PALS1: variants seen among roughly 807,000 people sequenced by gnomAD.
PALS1 encodes protein PALS1.
In PALS1, 31 loss-of-function variants were observed where a neutral mutation model predicts 78.9. The ratio of observed to expected loss-of-function variants is 0.39; its 90% CI spans 0.30 to 0.53. The LOEUF is 0.53. PALS1 is among the 20% of genes least tolerant of loss of function. PALS1 has a pLI of 0.67. For synonymous variants in PALS1, 276 were observed against 270.9 expected (o/e 1.02, Z -0.18); for missense variants, 704 against 826.5 (o/e 0.85, Z 1.82).
chr14:67,248,204 TA>T (rs1237181423), intron 1 of PALS1, among the ~76,000 whole-genome samples: 1 of 152,196 alleles, frequency 6.6e-6, no homozygotes, highest in Non-Finnish European at 1.5e-5. Flanking sequence ...TTTGGATTTT[TA>T]AAAACTAATA....
At position 67,313,267 on chromosome 14, in the gene PALS1, A is replaced by G. The variant is rs542330333; in HGVS notation, c.1225+557A>G. On this transcript the variant is annotated intron_variant, in intron 9 of 14. Transcript: ENST00000261681. ...TCTGAGAGTTAAGATGATACAAAAT[A>G]GAACAAAGTACAGTCATGCATCACT... Among the ~76,000 whole-genome samples the G allele has an allele frequency of 8.5e-5, 13 of 152,364 alleles. No homozygotes were observed. The South Asian group carries it at 2.7e-3, about 32-fold the overall frequency.
At chr14:67,290,444 C>T (rs1049377153) in intron 3 of PALS1, among the ~76,000 whole-genome samples, 1 of 152,166 alleles carries the variant, frequency 6.6e-6, no homozygotes, top group African/African-American at 2.4e-5. Flanking sequence ...ACTCAGTTGC[C>T]CAGGCTAGAG....
chr14:67,306,180 T>G (rs779994642), intron 8 of PALS1, among the ~76,000 whole-genome samples: 6 of 152,098 alleles, frequency 3.9e-5, no homozygotes, highest in East Asian at 1.9e-4. Context: ...ATGTTGGCCA[T>G]GCTGGTCTCG....
chr14:67,303,837 G>C (rs2084963002), intron 8 of PALS1, among the ~76,000 whole-genome samples: 1 of 151,368 alleles, frequency 6.6e-6, no homozygotes, highest in Admixed American at 6.6e-5. Context: ...GTGTGATCTT[G>C]GCTCACTGCA....
chr14:67,272,595 C>G (rs1358465471), intron 2 of PALS1, among the ~76,000 whole-genome samples: 4 of 152,150 alleles, frequency 2.6e-5, no homozygotes, highest in Non-Finnish European at 5.9e-5. Flanking sequence ...TTACCTCTTT[C>G]TCTTATTCAC....
At chr14:67,277,431 G>A (rs770926226) in intron 2 of PALS1, among the ~76,000 whole-genome samples, 1 of 152,272 alleles carries the variant, frequency 6.6e-6, no homozygotes, top group African/African-American at 2.4e-5. Flanking sequence ...GTCCCTGTTT[G>A]CATTATGACC....
intron 9 of PALS1, among the ~76,000 whole-genome samples, chr14:67,316,203 AAAGAAAAC>A (rs1338831548): frequency 6.6e-6 from 1 of 152,206 alleles, no homozygotes; most frequent in Non-Finnish European, 1.5e-5. Context: ...AGAAGTCGGA[AAAGAAAAC>A]CTCTTTCAAG....
At position 67,255,489 on chromosome 14, in the gene PALS1, AT is replaced by A. The variant is rs529156716; in HGVS notation, c.-237+13959del. ...TAAAATTAAAAATGTAATATATATG[AT>A]TTATTTGTGTGGTTGAGGAATTCCT... On this transcript the variant is annotated intron_variant, in intron 1 of 14. Transcript: ENST00000261681. 4.6e-5 allele frequency among the ~76,000 whole-genome samples: 7 copies of A among 152,104 alleles called. No homozygotes were observed. In the South Asian group the frequency reaches 1.2e-3, roughly 27 times the overall value.
At chr14:67,283,945 A>G (rs996265024) in intron 3 of PALS1, among the ~76,000 whole-genome samples, 9 of 152,182 alleles carry the variant, frequency 5.9e-5, no homozygotes, top group Non-Finnish European at 1.3e-4. Flanking sequence ...GTAGCTGCAT[A>G]TTGGAAAGTA....
At chr14:67,247,137 A>G (rs754333922) in intron 1 of PALS1, among the ~76,000 whole-genome samples, 1 of 152,254 alleles carries the variant, frequency 6.6e-6, no homozygotes, top group Non-Finnish European at 1.5e-5. Flanking sequence ...CAACCTGAAG[A>G]TAATTGACAT....
At chr14:67,295,642 A>G (rs976418997) in intron 4 of PALS1, among the ~76,000 whole-genome samples, 1 of 152,252 alleles carries the variant, frequency 6.6e-6, no homozygotes, top group African/African-American at 2.4e-5. Context: ...AGAAATGCAA[A>G]TTAAAACATA....
chr14:67,320,652 A>G (rs1029510545), intron 12 of PALS1, among the ~76,000 whole-genome samples: 11 of 152,134 alleles, frequency 7.2e-5, no homozygotes, highest in African/African-American at 2.7e-4. Flanking sequence ...TTCCTGTTCC[A>G]TAGAGAATCA....
rs200969935 is a variant in PALS1, at chr14:67,266,746, GTAAA to G, written c.-236-2952_-236-2949del. The stretch of plus-strand genomic sequence containing the variant: ...ATACAAGAAGTTACACAGTTATCAA[GTAAA>G]TAGAGTCTTTTATGTGATGTCAGTA... On this transcript the variant is annotated intron_variant, in intron 1 of 14. Coordinates refer to ENST00000261681, the MANE Select transcript of PALS1 (RefSeq NM_022474.4). Among the ~76,000 whole-genome samples the G allele has an allele frequency of 4.6e-3, 707 of 152,288 alleles. 5 individuals carry two copies. Among genetic ancestry groups the G allele is most frequent in the African/African-American group, 0.016 (674 of 41,560 alleles).
chr14:67,257,617 A>G (rs1042527116), intron 1 of PALS1, among the ~76,000 whole-genome samples: 1 of 152,174 alleles, frequency 6.6e-6, no homozygotes, highest in South Asian at 2.1e-4. Context: ...AAGAAATGGC[A>G]TGTATGTATA....
intron 4 of PALS1, among the ~76,000 whole-genome samples, chr14:67,298,682 T>C (rs947882208): frequency 2.6e-5 from 4 of 152,234 alleles, no homozygotes; most frequent in African/African-American, 9.6e-5. Context: ...ATAATTTACA[T>C]GCACTTAAAA....
rs2084571509 is a variant in PALS1 at position 67,279,553 on chromosome 14, G to C, written c.367+16G>C. On this transcript the variant is annotated intron_variant, in intron 3 of 14. Coordinates refer to ENST00000261681, the MANE Select transcript of PALS1 (RefSeq NM_022474.4). Reference sequence around the variant, plus strand: ...AAAATATTAGGTAAGTAAAAATAGAGGTATAACAGAAAACATTTTGCTTTA... The same window carrying C: ...AAAATATTAGGTAAGTAAAAATAGACGTATAACAGAAAACATTTTGCTTTA... 1 of 1,506,782 alleles carries C rather than the reference G, an allele frequency of 6.6e-7. No homozygotes were observed. Among genetic ancestry groups the C allele is most frequent in the East Asian group, 2.3e-5 (1 of 43,582 alleles). The allele number at this position is 1,506,782 out of a possible 1,614,324, so 93.3% of individuals were successfully genotyped here. A position where few individuals can be genotyped will look rare whatever the true frequency, so the allele number is the denominator to read the frequency against.
chr14:67,324,930 A>G (rs1394320955), intron 14 of PALS1, among the ~76,000 whole-genome samples: 1 of 93,586 alleles, frequency 1.1e-5, no homozygotes, highest in Admixed American at 1.6e-4. Flanking sequence ...TTTGAGACTG[A>G]GTCTTGCTCT....
intron 1 of PALS1, among the ~76,000 whole-genome samples, chr14:67,246,664 T>TC (rs2083992623): frequency 6.7e-6 from 1 of 149,272 alleles, no homozygotes; most frequent in Admixed American, 6.7e-5. Context: ...TTTTTTTTTT[T>TC]TTTTTGAGAT....
At chr14:67,267,902 CCTTT>C (rs1298196857) in intron 1 of PALS1, among the ~76,000 whole-genome samples, 4 of 151,990 alleles carry the variant, frequency 2.6e-5, no homozygotes, top group African/African-American at 9.7e-5. Flanking sequence ...AGTAGTTTGT[CCTTT>C]CTTATTGCAT....
Sources: gnomAD v4.1 joint callset for allele counts (sites outside exome capture counted in the v4.1 genomes callset) on GRCh38, gnomAD v4.1.1 for gene constraint, MANE v1.5 for transcripts, NCBI Gene and HGNC (gene_info 2026-07-23, HGNC 2026-07-21) for gene names.